DCBLD1: variants seen among roughly 807,000 people sequenced by gnomAD.
The protein encoded by DCBLD1 is discoidin, CUB and LCCL domain-containing protein 1.
Under a neutral mutation model 71.5 loss-of-function variants are expected in DCBLD1, and 57 were observed. The ratio of observed to expected loss-of-function variants is 0.80; its 90% CI spans 0.64 to 0.99. The LOEUF (loss-of-function observed/expected upper bound fraction) is 0.99, where lower values mean the gene tolerates loss of function less well. Ranked by LOEUF, DCBLD1 falls within the 50% of genes least tolerant of loss-of-function variation. DCBLD1 has a pLI of 0.00. For missense variants in DCBLD1, 891 were observed against 923.5 expected, an observed-to-expected ratio of 0.96 and a Z score of 0.46; for synonymous variants, 380 against 363.8, an observed-to-expected ratio of 1.04 and a Z score of -0.51.
chr6:117,554,104 ATT>A (rs1779465788), downstream of DCBLD1, among the ~76,000 whole-genome samples: 1 of 152,154 alleles, frequency 6.6e-6, no homozygotes, highest in Non-Finnish European at 1.5e-5. Context: ...TCTGTGACTA[ATT>A]TGTATGCTGC....
chr6:117,559,840 T>A (rs1562133164), intron 14 of DCBLD1, among the ~76,000 whole-genome samples: 2 of 152,204 alleles, frequency 1.3e-5, no homozygotes, highest in Non-Finnish European at 2.9e-5. Flanking sequence ...TATGGGGTTG[T>A]ATTCTGGGGA....
chr6:117,551,671 G>A (rs563964941), downstream of DCBLD1, among the ~76,000 whole-genome samples: 44 of 152,172 alleles, frequency 2.9e-4, no homozygotes, highest in Non-Finnish European at 5.9e-4. Flanking sequence ...GAGCCACCGC[G>A]CCCGGCTTCC....
At chr6:117,563,431 G>T in intron 14 of DCBLD1, 1 of 1,601,792 alleles carries the variant, frequency 6.2e-7, no homozygotes, top group Non-Finnish European at 8.5e-7. Context: ...GGTTTAAAAA[G>T]TTGGTTTTGG....
rs767019993 is a variant in DCBLD1 at position 117,540,695 on chromosome 6, G to A, written c.1129G>A (p.Asp377Asn). 1 of 1,614,102 alleles carries A rather than the reference G, an allele frequency of 6.2e-7. No individual in the cohort carries two copies. The highest frequency in any genetic ancestry group is 8.5e-7 in the Non-Finnish European group (1 of 1,180,032). Residue 377 changes from aspartate (D) to asparagine (N), a missense_variant, in exon 10 of 15, where the codon GAC becomes AAC. Physicochemically the swap from Asp to Asn is conservative, Grantham distance 23 (BLOSUM62 1). Coordinates refer to ENST00000338728, the MANE Select transcript of DCBLD1 (RefSeq NM_001366458.2). ...GTTTCAGGGTAACTCTAACTTTCGG[G>A]ACCCAGTGCAAAACAATTTCATCCC... ...KVFQGNSNFR[D>N]PVQNNFIPPI...
intron 2 of DCBLD1, among the ~76,000 whole-genome samples, chr6:117,510,342 GAC>G (rs1277610499): frequency 1.4e-5 from 2 of 147,914 alleles, no homozygotes; most frequent in African/African-American, 2.6e-5. Context: ...CACAGACACA[GAC>G]ACACACACAG....
chr6:117,563,171 T>G, intron 14 of DCBLD1: 1 of 1,308,884 alleles, frequency 7.6e-7, no homozygotes, highest in Admixed American at 1.9e-5. Context: ...CTCCCCTGAT[T>G]TTGTAGTCTT....
intron 4 of DCBLD1, among the ~76,000 whole-genome samples, chr6:117,521,992 A>C (rs1778401673): frequency 6.6e-6 from 1 of 152,204 alleles, no homozygotes; most frequent in South Asian, 2.1e-4. Flanking sequence ...ATCATTACCG[A>C]GTCTAGACTG....
intron 5 of DCBLD1, among the ~76,000 whole-genome samples, chr6:117,527,485 G>A (rs1187017405): frequency 6.6e-6 from 1 of 152,200 alleles, no homozygotes; most frequent in Non-Finnish European, 1.5e-5. Flanking sequence ...TGTTGAAGAA[G>A]GAGGTACCCT....
intron 11 of DCBLD1, among the ~76,000 whole-genome samples, chr6:117,542,166 G>C (rs1425923577): frequency 6.6e-6 from 1 of 151,836 alleles, no homozygotes; most frequent in Non-Finnish European, 1.5e-5. Flanking sequence ...GGCAGCATGC[G>C]CCTGTAGTCC....
intron 2 of DCBLD1, among the ~76,000 whole-genome samples, chr6:117,508,842 A>G (rs1380877385): frequency 6.6e-6 from 1 of 152,210 alleles, no homozygotes; most frequent in Non-Finnish European, 1.5e-5. Context: ...GCCAGTCTTC[A>G]TAGGCATCTC....
At chr6:117,511,720 G>C (rs1330051125) in intron 2 of DCBLD1, among the ~76,000 whole-genome samples, 1 of 152,088 alleles carries the variant, frequency 6.6e-6, no homozygotes, top group East Asian at 1.9e-4. Flanking sequence ...TCCCAAAGAG[G>C]GGAAAGCGCA....
In DCBLD1 at chr6:117,503,997, G is replaced by A. The variant is rs755790048; in HGVS notation, c.325+18G>A. On this transcript the variant is annotated intron_variant, in intron 2 of 14. Coordinates refer to ENST00000338728, the MANE Select transcript of DCBLD1 (RefSeq NM_001366458.2). ...TCAATATGGTAAGAAAAGAGAACTA[G>A]GTTTCTCTGAGCATCAAAATTTTTG... The A allele has an allele frequency of 1.2e-6, 2 of 1,612,064 alleles. No individual in the cohort carries two copies. The highest frequency in any genetic ancestry group is 4.5e-5 in the East Asian group (2 of 44,856).
chr6:117,533,445 A>G (rs1778789728), intron 6 of DCBLD1, among the ~76,000 whole-genome samples: 1 of 152,080 alleles, frequency 6.6e-6, no homozygotes, highest in Non-Finnish European at 1.5e-5. Context: ...ATAGGTTCTC[A>G]AGTTAGTCGG....
chr6:117,556,144 C>T (rs1375356283), intron 14 of DCBLD1, among the ~76,000 whole-genome samples: 1 of 152,200 alleles, frequency 6.6e-6, no homozygotes, highest in East Asian at 1.9e-4. Flanking sequence ...GCATAGACTC[C>T]AAGTTTTAGT....
intron 11 of DCBLD1, among the ~76,000 whole-genome samples, chr6:117,542,811 A>T (rs2114559967): frequency 6.6e-6 from 1 of 152,108 alleles, no homozygotes; most frequent in Admixed American, 6.5e-5. Flanking sequence ...GGGAGGGGTT[A>T]AACTCTCCCC....
chr6:117,482,947 G>A, intron 1 of DCBLD1, 54 bp downstream of exon 1: 1 of 1,139,410 alleles, frequency 8.8e-7, no homozygotes. Context: ...GGGGCGGGCT[G>A]AGGGCTGCGG....
At chr6:117,525,209 T>G (rs962982069) in intron 4 of DCBLD1, among the ~76,000 whole-genome samples, 153 bp from the exon 5 acceptor site, 3 of 152,152 alleles carry the variant, frequency 2.0e-5, no homozygotes, top group African/African-American at 7.2e-5. Context: ...ACATTATAGA[T>G]CAATCTGTAT....
chr6:117,505,815 GA>G (rs1777822982), intron 2 of DCBLD1, among the ~76,000 whole-genome samples: 1 of 152,180 alleles, frequency 6.6e-6, no homozygotes, highest in South Asian at 2.1e-4. Flanking sequence ...CATTGTAAGA[GA>G]AAAAAGGCAG....
chr6:117,545,981 T>C (rs1779253625), intron 14 of DCBLD1, among the ~76,000 whole-genome samples: 1 of 152,158 alleles, frequency 6.6e-6, no homozygotes, highest in Admixed American at 6.5e-5. Flanking sequence ...AGGAACTCTC[T>C]CAGTATGAGA....
Sources: gnomAD v4.1 joint callset for allele counts (sites outside exome capture counted in the v4.1 genomes callset) on GRCh38, gnomAD v4.1.1 for gene constraint, MANE v1.5 for transcripts, NCBI Gene and HGNC (gene_info 2026-07-23, HGNC 2026-07-21) for gene names.